The following CNTN4 variants were observed in gnomAD, a reference collection of about 807,000 sequenced individuals.
The protein encoded by CNTN4 is contactin-4.
In CNTN4, 77 loss-of-function variants were observed where a neutral mutation model predicts 122.5. That is an observed-to-expected ratio of 0.63 (90% CI 0.52 to 0.76). CNTN4 has a LOEUF of 0.76. CNTN4 is among the 30% of genes least tolerant of loss of function. The probability of loss-of-function intolerance (pLI) is 0.00; values close to 1 mark genes in which losing one functional copy is unlikely to be tolerated. For synonymous variants in CNTN4, 512 were observed against 447.0 expected (o/e 1.15, Z -1.83); for missense variants, 1,256 against 1,259.1 (o/e 1.00, Z 0.04).
chr3:2,484,932 G>C (rs1433321557), intron 3 of CNTN4, among the ~76,000 whole-genome samples: 1 of 152,164 alleles, frequency 6.6e-6, no homozygotes, highest in Non-Finnish European at 1.5e-5. Flanking sequence ...GCGGGAGCCA[G>C]GGCTGCACCC....
At chr3:2,109,968 C>G (rs1043497573) in intron 2 of CNTN4, among the ~76,000 whole-genome samples, 8 of 152,168 alleles carry the variant, frequency 5.3e-5, no homozygotes, top group Non-Finnish European at 1.0e-4. Flanking sequence ...ACAAGGTCAT[C>G]TAGAATTCTT....
chr3:2,134,212 A>G (rs6786748), intron 2 of CNTN4, among the ~76,000 whole-genome samples: 130,039 of 152,150 alleles, frequency 0.85, 55,875 homozygotes, highest in African/African-American at 0.92. Flanking sequence ...TCCTCCTATT[A>G]AGGTTATGTA....
intron 6 of CNTN4, among the ~76,000 whole-genome samples, chr3:2,775,053 C>G (rs1368555253): frequency 6.6e-6 from 1 of 152,212 alleles, no homozygotes. Context: ...ATCATATGCT[C>G]TGTGGGACAG....
At chr3:3,002,690 G>T (rs1162187042) in intron 14 of CNTN4, among the ~76,000 whole-genome samples, 1 of 152,076 alleles carries the variant, frequency 6.6e-6, no homozygotes, top group Non-Finnish European at 1.5e-5. Context: ...TAATTCTAAA[G>T]TTCTCTGATT....
At chr3:2,770,031 G>C (rs1305198977) in intron 6 of CNTN4, among the ~76,000 whole-genome samples, 2 of 138,900 alleles carry the variant, frequency 1.4e-5, no homozygotes, top group South Asian at 4.8e-4. Context: ...TTGTTTGTTT[G>C]TTTGTTTTTT....
At chr3:2,205,617 C>T (rs992561601) in intron 2 of CNTN4, among the ~76,000 whole-genome samples, 4 of 151,958 alleles carry the variant, frequency 2.6e-5, no homozygotes, top group Non-Finnish European at 5.9e-5. Context: ...GGGACTAACC[C>T]AGTGACAGGC....
chr3:2,630,394 C>T (rs533982114), intron 4 of CNTN4, among the ~76,000 whole-genome samples: 3 of 152,188 alleles, frequency 2.0e-5, no homozygotes, highest in Non-Finnish European at 4.4e-5. Flanking sequence ...AGCCAAGATC[C>T]TGCCACTGCA....
chr3:2,833,412 A>C (rs902310112), intron 7 of CNTN4, among the ~76,000 whole-genome samples: 1 of 152,204 alleles, frequency 6.6e-6, no homozygotes, highest in Non-Finnish European at 1.5e-5. Flanking sequence ...AGAAAGCTTC[A>C]TAAATATAAA....
chr3:2,154,379 CA>C (rs34618946), intron 2 of CNTN4, among the ~76,000 whole-genome samples: 285 of 127,668 alleles, frequency 2.2e-3, no homozygotes, highest in Admixed American at 2.9e-3. Flanking sequence ...GACACTGTCT[CA>C]AAAAAAAAAA....
At chr3:2,671,946 A>G (rs2084543047) in intron 4 of CNTN4, among the ~76,000 whole-genome samples, 1 of 145,696 alleles carries the variant, frequency 6.9e-6, no homozygotes, top group African/African-American at 2.7e-5. Context: ...GCTGAACAGC[A>G]AATGTTGCTG....
chr3:2,705,137 G>A (rs1266023177), intron 4 of CNTN4, among the ~76,000 whole-genome samples: 2 of 151,366 alleles, frequency 1.3e-5, no homozygotes, highest in Non-Finnish European at 2.9e-5. Context: ...GGGAGGCCGA[G>A]GCAGGCGGAT....
At chr3:2,198,592 C>T (rs1289402107) in intron 2 of CNTN4, among the ~76,000 whole-genome samples, 1 of 151,998 alleles carries the variant, frequency 6.6e-6, no homozygotes, top group Non-Finnish European at 1.5e-5. Context: ...AACTTTGGAG[C>T]TCTGAATTAG....
At chr3:2,107,823 CT>C (rs1164427939) in intron 2 of CNTN4, among the ~76,000 whole-genome samples, 1 of 152,120 alleles carries the variant, frequency 6.6e-6, no homozygotes, top group Non-Finnish European at 1.5e-5. Flanking sequence ...TCTTATGTCA[CT>C]TTGGTTGTGT....
At chr3:2,945,289 C>T (rs181209265) in intron 13 of CNTN4, among the ~76,000 whole-genome samples, 136 of 152,192 alleles carry the variant, frequency 8.9e-4, no homozygotes, top group African/African-American at 2.8e-3. Flanking sequence ...ACAGGATGCC[C>T]GGAGGAATCT....
chr3:2,545,990 A>G (rs2078229250), intron 3 of CNTN4, among the ~76,000 whole-genome samples: 1 of 152,116 alleles, frequency 6.6e-6, no homozygotes, highest in Non-Finnish European at 1.5e-5. Flanking sequence ...CACTCAAAAT[A>G]GCTATTATGA....
At chr3:2,311,534 T>C (rs926964560) in intron 2 of CNTN4, among the ~76,000 whole-genome samples, 1 of 152,106 alleles carries the variant, frequency 6.6e-6, no homozygotes, top group African/African-American at 2.4e-5. Flanking sequence ...AAAAGTAGTA[T>C]AAAGCGTGTT....
chr3:2,726,106 CT>C (rs2149424942), intron 4 of CNTN4, among the ~76,000 whole-genome samples: 1 of 152,256 alleles, frequency 6.6e-6, no homozygotes, highest in African/African-American at 2.4e-5. Flanking sequence ...TAATTTTGCT[CT>C]TTTCTGTTTT....
chr3:3,048,778 G>A (rs1700947000), intron 23 of CNTN4, among the ~76,000 whole-genome samples: 1 of 152,144 alleles, frequency 6.6e-6, no homozygotes, highest in Admixed American at 6.6e-5. Flanking sequence ...TACTGAACAT[G>A]TTGGGGTGTG....
At chr3:2,955,349 C>T (rs574289933) in intron 13 of CNTN4, among the ~76,000 whole-genome samples, 1 of 152,194 alleles carries the variant, frequency 6.6e-6, no homozygotes, top group African/African-American at 2.4e-5. Context: ...GTGTCAGTCA[C>T]GTGGTGTTTA....
Sources: allele counts gnomAD v4.1 joint callset (sites outside exome capture counted in the v4.1 genomes callset), GRCh38; gene constraint gnomAD v4.1.1; transcripts MANE v1.5; gene names NCBI Gene and HGNC (gene_info 2026-07-23, HGNC 2026-07-21).